NLRC3: variants seen among roughly 807,000 people sequenced by gnomAD.
NLRC3 encodes NLR family CARD domain-containing protein 3.
In NLRC3, 87 loss-of-function variants were observed where a neutral mutation model predicts 91.6. That is an observed-to-expected ratio of 0.95 (90% CI 0.80 to 1.14). The LOEUF (loss-of-function observed/expected upper bound fraction) is 1.14. Among genes scored for constraint, NLRC3 ranks in the 50% most tolerant of loss-of-function variants. The probability of loss-of-function intolerance (pLI) is 0.00; values close to 1 mark genes in which losing one functional copy is unlikely to be tolerated. For synonymous variants in NLRC3, 694 were observed against 625.3 expected (o/e 1.11, Z -1.64); for missense variants, 1,577 against 1,418.6 (o/e 1.11, Z -1.79).
intron 2 of NLRC3, 89 bp from the exon 3 acceptor site, chr16:3,565,469 C>CAAAA (rs57860901): frequency 6.7e-5 from 3 of 44,858 alleles, no homozygotes; most frequent in Non-Finnish European, 1.2e-4. Flanking sequence ...TGGGAAAAAG[C>CAAAA]AAAAAAAAAA....
intron 1 of NLRC3, among the ~76,000 whole-genome samples, chr16:3,575,966 T>C (rs1269021347): frequency 6.6e-6 from 1 of 151,958 alleles, no homozygotes; most frequent in Non-Finnish European, 1.5e-5. Context: ...GCATCATCAC[T>C]TGAGCTCAAA....
intron 6 of NLRC3, among the ~76,000 whole-genome samples, chr16:3,559,920 G>C (rs908239380): frequency 6.6e-6 from 1 of 151,944 alleles, no homozygotes; most frequent in Admixed American, 6.6e-5. Flanking sequence ...TGGGATTAAA[G>C]GCATGAGCCA....
chr16:3,569,599 T>C (rs981646445), intron 1 of NLRC3, among the ~76,000 whole-genome samples: 6 of 151,656 alleles, frequency 4.0e-5, no homozygotes, highest in Non-Finnish European at 8.8e-5. Context: ...GGTTTCACCA[T>C]GTTGACCAGA....
At chr16:3,546,513 C>T (rs1262856565) in intron 15 of NLRC3, among the ~76,000 whole-genome samples, 5 of 151,684 alleles carry the variant, frequency 3.3e-5, no homozygotes, top group African/African-American at 9.7e-5. Flanking sequence ...GCCGAGATCA[C>T]GCCTCTGCAC....
At chr16:3,556,382 T>C (rs75243531) in intron 8 of NLRC3, among the ~76,000 whole-genome samples, 2,312 of 137,746 alleles carry the variant, frequency 0.017, 75 homozygotes, top group African/African-American at 0.054. Flanking sequence ...ATCACAACTC[T>C]GTCCCCTGCT....
chr16:3,561,663 G>A, intron 6 of NLRC3, 39 bp downstream of exon 6: 1 of 1,411,888 alleles, frequency 7.1e-7, no homozygotes. Flanking sequence ...TACCCCACAA[G>A]ACCATAGGCA....
At position 3,548,236 on chromosome 16, in the gene NLRC3, CATGTGACTATGTGACT is replaced by C. The variant is rs375899418; in HGVS notation, c.2688-34_2688-19del. The C allele has an allele frequency of 1.3e-6, 2 of 1,577,048 alleles. No homozygotes were observed. The highest frequency in any genetic ancestry group is 2.7e-5 in the African/African-American group (2 of 74,264). ...ACTGCAGGCTGGGCAGACACAGACACATGTGACTATGTGACTATGTGACTATGTGGCCCTGGGGCAG... is the reference window on the plus strand; with the variant it reads ...ACTGCAGGCTGGGCAGACACAGACACATGTGACTATGTGGCCCTGGGGCAG... On this transcript the variant is annotated intron_variant, in intron 14 of 19. Coordinates refer to ENST00000359128, the MANE Select transcript of NLRC3 (RefSeq NM_178844.4).
chr16:3,563,136 G>A lies in NLRC3; in HGVS notation c.1801C>T (p.Arg601Cys), dbSNP rs781762048. ...ALARLTGPAHRAALAYLLQVS... is the reference protein window; with the variant it reads ...ALARLTGPAHCAALAYLLQVS... Reference sequence around the variant, plus strand: ...TGCAGGAGGTAGGCCAGGGCAGCGCGGTGCGCGGGACCAGTCAGCCTGGCC... The same window carrying A: ...TGCAGGAGGTAGGCCAGGGCAGCGCAGTGCGCGGGACCAGTCAGCCTGGCC... Residue 601 changes from arginine (R) to cysteine (C), a missense_variant, in exon 5 of 20, where the codon CGC (arginine) becomes TGC (cysteine). By Grantham distance (180) the Arg-to-Cys change is radical (BLOSUM62 -3). Coordinates refer to ENST00000359128, the MANE Select transcript of NLRC3 (RefSeq NM_178844.4). 3.0e-5 allele frequency: 48 copies of A among 1,585,486 alleles called. No individual in the cohort carries two copies. The East Asian group carries it at 4.1e-4, about 14-fold the overall frequency.
intron 19 of NLRC3, 117 bp from the exon 20 acceptor site, chr16:3,542,032 C>T (rs368227416): frequency 1.7e-5 from 14 of 802,466 alleles, no homozygotes; most frequent in South Asian, 7.6e-5. Context: ...AGGATCCCCT[C>T]GCTACATGGA....
intron 15 of NLRC3, among the ~76,000 whole-genome samples, chr16:3,546,774 C>T (rs946581332): frequency 2.6e-5 from 4 of 152,020 alleles, no homozygotes; most frequent in African/African-American, 7.3e-5. Context: ...GGCTGGGACA[C>T]GGACGTGGGA....
At chr16:3,542,332 C>T (rs766099222) in intron 18 of NLRC3, 58 bp from the exon 19 acceptor site, 64 of 1,075,988 alleles carry the variant, frequency 5.9e-5, no homozygotes, top group Admixed American at 3.0e-4. Flanking sequence ...GGAAAACACC[C>T]GGGGAAGCAA....
Position 3,541,799 on chromosome 16 carries a change from C to G in NLRC3, c.*26G>C, listed in dbSNP as rs747313937. On this transcript the variant is annotated 3_prime_UTR_variant, in exon 20 of 20. Transcript: ENST00000359128. ...CAAAAGCTTCCAGCTGAGCATCTGC[C>G]CATTCTCCTGATCCGTCCACCAGGA... is the stretch of plus-strand genomic sequence containing the variant. 1.3e-6 allele frequency: 2 copies of G among 1,498,948 alleles called. No homozygotes were observed. Among genetic ancestry groups the G allele is most frequent in the South Asian group, 2.3e-5 (2 of 86,874 alleles). The allele number at this position is 1,498,948 out of a possible 1,614,324, so 92.9% of individuals were successfully genotyped here. A position where few individuals can be genotyped will look rare whatever the true frequency, so the allele number is the denominator to read the frequency against.
intron 1 of NLRC3, among the ~76,000 whole-genome samples, chr16:3,573,932 C>G (rs983061449): frequency 2.0e-5 from 3 of 151,620 alleles, no homozygotes; most frequent in East Asian, 3.9e-4. Context: ...GATTCTCCCA[C>G]CTCAGCCTCC....
At chr16:3,561,424 G>C (rs994605376) in intron 6 of NLRC3, among the ~76,000 whole-genome samples, 4 of 152,174 alleles carry the variant, frequency 2.6e-5, no homozygotes, top group African/African-American at 9.7e-5. Flanking sequence ...ATTGTGCCTG[G>C]CATTATGTCA....
In NLRC3 at chr16:3,574,512, A is replaced by T. The variant is rs2040215081; in HGVS notation, c.-169+2637T>A. ...GAGGCAGGACTCACAAGCGCCTGGGAAGGCGGGGACGGGGTGTAGGGGGCT... is the reference window on the plus strand; with the variant it reads ...GAGGCAGGACTCACAAGCGCCTGGGTAGGCGGGGACGGGGTGTAGGGGGCT... On this transcript the variant is annotated intron_variant, in intron 1 of 19. Transcript: ENST00000359128. Among the ~76,000 whole-genome samples the T allele has an allele frequency of 1.3e-5, 2 of 152,068 alleles. 1 individual carries two copies. The highest frequency in any genetic ancestry group is 4.1e-4 in the South Asian group (2 of 4,828).
intron 1 of NLRC3, 26 bp from the exon 2 acceptor site, chr16:3,567,350 A>G (rs569689559): frequency 3.3e-5 from 5 of 152,384 alleles, no homozygotes; most frequent in African/African-American, 1.2e-4. Flanking sequence ...CAATGTGGCC[A>G]GCAGAGGTGA....
Position 3,539,862 on chromosome 16 carries a change from C to CT in NLRC3, c.*1962dup, listed in dbSNP as rs2151077242. ...TTGCATTAAATTATATCTCTGTAAT[C>CT]TTTAATTTCACGCTATCTGCAATGT... On this transcript the variant is annotated 3_prime_UTR_variant, in exon 20 of 20. Coordinates refer to ENST00000359128, the MANE Select transcript of NLRC3 (RefSeq NM_178844.4). 1 of 152,298 alleles carries CT rather than the reference C, an allele frequency of 6.6e-6. No individual in the cohort carries two copies. Among genetic ancestry groups the CT allele is most frequent in the Admixed American group, 6.5e-5 (1 of 15,292 alleles). The allele number at this position is 152,298 out of a possible 1,614,324, so 9.4% of individuals were successfully genotyped here. A position where few individuals can be genotyped will look rare whatever the true frequency, so the allele number is the denominator to read the frequency against.
At chr16:3,542,340 CAACAGTGCATTGTCTGGGGGCAGT>C (rs1468895947) in intron 18 of NLRC3, 66 bp from the exon 19 acceptor site, 3 of 985,180 alleles carry the variant, frequency 3.0e-6, no homozygotes, top group Non-Finnish European at 4.7e-6. Context: ...CCCGGGGAAG[CAACAGTGCATTGTCTGGGGGCAGT>C]AACCCAGGCA....
intron 1 of NLRC3, among the ~76,000 whole-genome samples, chr16:3,576,765 C>T (rs1400565571): frequency 3.9e-5 from 6 of 152,130 alleles, no homozygotes; most frequent in South Asian, 2.1e-4. Flanking sequence ...CGGGTTCAAG[C>T]GGTTCTCCTG....
Sources: gnomAD v4.1 joint callset for allele counts (sites outside exome capture counted in the v4.1 genomes callset) on GRCh38, gnomAD v4.1.1 for gene constraint, MANE v1.5 for transcripts, NCBI Gene and HGNC (gene_info 2026-07-23, HGNC 2026-07-21) for gene names.